PRRT4: variants seen among roughly 807,000 people sequenced by gnomAD.
PRRT4 encodes the protein proline-rich transmembrane protein 4.
Under a neutral mutation model 55.6 loss-of-function variants are expected in PRRT4, and 59 were observed. The observed-to-expected ratio is 1.06, with a 90% CI of 0.86 to 1.32. The LOEUF is 1.32. Ranked by LOEUF, PRRT4 falls within the 40% of genes most tolerant of loss-of-function variation. PRRT4 has a pLI of 0.00. For missense variants in PRRT4, 1,217 were observed against 1,222.0 expected (o/e 1.00, Z 0.06); for synonymous variants, 606 against 601.8 (o/e 1.01, Z -0.10).
chr7:128,351,808 A>C (rs1796981294), exon 5 of PRRT4: 3 of 1,417,946 alleles, frequency 2.1e-6, no homozygotes, highest in Non-Finnish European at 2.7e-6. Flanking sequence ...GCCGTAGCCC[A>C]GGGCGTGCAG....
rs1728185809 is a variant in PRRT4, at chr7:128,358,787, G to A, written c.771C>T (p.Thr257=). ...GGGAGTATGGGGGCAGGGACAGAGT[G>A]GTACCAAGGAACCCTGCAAAGGGAG... Residue 257 remains threonine, a synonymous_variant, in exon 4 of 5, where the codon ACC becomes ACT. Coordinates refer to ENST00000535159, the Ensembl canonical transcript of PRRT4. The surrounding 1 kb of genome is among the most constrained non-coding windows in gnomAD (Gnocchi z 4.4). The A allele has an allele frequency of 6.5e-7, 1 of 1,545,368 alleles. No individual in the cohort carries two copies. Among genetic ancestry groups the A allele is most frequent in the African/African-American group, 1.4e-5 (1 of 72,688 alleles).
chr7:128,359,913 G>C (rs1245668348), exon 2 of PRRT4: 4 of 1,457,170 alleles, frequency 2.7e-6, no homozygotes, highest in Non-Finnish European at 3.6e-6. Flanking sequence ...GGGATGGAGG[G>C]GGTGGGCTGG....
exon 5 of PRRT4, chr7:128,351,273 G>A (rs577469431): frequency 6.5e-7 from 1 of 1,540,614 alleles, no homozygotes. Context: ...CGGTGCGGTA[G>A]AGTCCGAGCC....
At position 128,359,154 on chromosome 7, in the gene PRRT4, G is replaced by T. The variant is rs1004413771; in HGVS notation, c.752C>A (p.Ser251Tyr). ...TTGCAATGAAATAAACTCACCCAGA[G>T]AACCCGAAACTCCAGAGGCAGAGCT... Residue 251 changes from serine to tyrosine, a missense_variant, in exon 3 of 5, where the codon TCT becomes TAT. Physicochemically the swap from Ser to Tyr is moderately radical, Grantham distance 144. Coordinates refer to ENST00000535159, the Ensembl canonical transcript of PRRT4. 3.2e-6 allele frequency: 5 copies of T among 1,551,532 alleles called. No individual in the cohort carries two copies. In the African/African-American group the frequency reaches 6.8e-5, roughly 21 times the overall value.
intron 1 of PRRT4, among the ~76,000 whole-genome samples, 187 bp downstream of exon 2, chr7:128,361,103 TCACACACACACACACA>T (rs71160634): frequency 1.3e-5 from 1 of 77,510 alleles, no homozygotes; most frequent in Non-Finnish European, 2.5e-5. Flanking sequence ...TCTCTCTCTC[TCACACACACACACACA>T]CACACACACA....
intron 1 of PRRT4, among the ~76,000 whole-genome samples, chr7:128,360,317 G>A (rs956357376): frequency 3.4e-4 from 51 of 152,170 alleles, no homozygotes; most frequent in Non-Finnish European, 7.1e-4. Context: ...CTGCAACCAG[G>A]GGCCCTCATC....
chr7:128,361,103 TCACACACACACA>T (rs71160634), intron 1 of PRRT4, among the ~76,000 whole-genome samples, 191 bp downstream of exon 2: 17 of 77,570 alleles, frequency 2.2e-4, no homozygotes, highest in African/African-American at 9.1e-4. Flanking sequence ...TCTCTCTCTC[TCACACACACACA>T]CACACACACA....
At chr7:128,352,792 GTCTTACATATGAGAC>G in intron 4 of PRRT4, 114 bp from the exon 6 acceptor site, 1 of 1,094,172 alleles carries the variant, frequency 9.1e-7, no homozygotes, top group Non-Finnish European at 1.3e-6. Flanking sequence ...GGACACACTT[GTCTTACATATGAGAC>G]TCACCCCACC....
At chr7:128,359,976 A>G in exon 2 of PRRT4, 5 of 1,331,254 alleles carry the variant, frequency 3.8e-6, no homozygotes, top group Non-Finnish European at 4.8e-6. Context: ...AGCCCTAGAC[A>G]GCCATGCCTG....
chr7:128,351,786 G>A, exon 5 of PRRT4: 1 of 1,423,900 alleles, frequency 7.0e-7, no homozygotes, highest in Non-Finnish European at 9.1e-7. Context: ...GCCCTTCCAG[G>A]CCGGATTGGC....
At position 128,352,134 on chromosome 7, in the gene PRRT4, C is replaced by T. The variant is rs1796997651; in HGVS notation, c.1422G>A (p.Gly474=). 24 of 1,273,622 alleles carry T rather than the reference C, an allele frequency of 1.9e-5. No individual in the cohort carries two copies. In the South Asian group the frequency reaches 5.5e-4, roughly 29 times the overall value. 78.9% of individuals were successfully genotyped at this position (1,273,622 alleles called of 1,614,324 possible). The stretch of plus-strand genomic sequence containing the variant: ...GGGCGGCGGCGGCCGCCAGCCCCAG[C>T]CCCAGGAGCAGCAGCGCAGCCAGGC... The change falls in exon 5 of 5, where the codon GGG becomes GGA. Residue 474 remains glycine (G), a synonymous_variant. Coordinates refer to ENST00000535159, the Ensembl canonical transcript of PRRT4.
At chr7:128,352,081 C>G (rs928866621) in exon 5 of PRRT4, 5 of 1,176,254 alleles carry the variant, frequency 4.3e-6, no homozygotes, top group Non-Finnish European at 5.2e-6. Context: ...CCGCAGGGGC[C>G]GCAGCGGGCG....
chr7:128,353,037 C>A (rs1797035677), intron 4 of PRRT4, among the ~76,000 whole-genome samples: 1 of 151,968 alleles, frequency 6.6e-6, no homozygotes, highest in South Asian at 2.1e-4. Flanking sequence ...CAGTTCAATC[C>A]CCCCACCAGA....
chr7:128,353,040 C>G (rs1291842891), intron 4 of PRRT4, among the ~76,000 whole-genome samples: 1 of 152,070 alleles, frequency 6.6e-6, no homozygotes, highest in Non-Finnish European at 1.5e-5. Context: ...TTCAATCCCC[C>G]CACCAGAAAG....
chr7:128,356,394 C>A (rs879842024), intron 4 of PRRT4, among the ~76,000 whole-genome samples: 25 of 152,240 alleles, frequency 1.6e-4, no homozygotes, highest in Admixed American at 1.6e-3. Context: ...CTGCATGCCC[C>A]ACACTGGTCC....
At chr7:128,350,591 G>C, downstream of PRRT4, 1 of 534,328 alleles carries the variant, frequency 1.9e-6, no homozygotes, top group Non-Finnish European at 3.4e-6. Context: ...CTTTATTGCT[G>C]GTGAATGCCA....
At chr7:128,360,037 G>A (rs359642) in exon 2 of PRRT4, 1,030,944 of 1,284,094 alleles carry the variant, frequency 0.8, 416,816 homozygotes, top group Non-Finnish European at 0.83. Context: ...GGACTCAGTT[G>A]TTCAGCAGCT....
At chr7:128,351,191 G>A in exon 5 of PRRT4, 1 of 1,542,450 alleles carries the variant, frequency 6.5e-7, no homozygotes, top group Non-Finnish European at 8.7e-7. Context: ...GGGGAGGGGA[G>A]CTCCGGGGGC....
At chr7:128,351,954 G>T (rs894531332) in exon 5 of PRRT4, 1 of 1,297,064 alleles carries the variant, frequency 7.7e-7, no homozygotes, top group Non-Finnish European at 9.7e-7. Context: ...CGCCCTTGAA[G>T]CCCGACCCTC....
Sources: allele counts gnomAD v4.1 joint callset (sites outside exome capture counted in the v4.1 genomes callset), GRCh38; gene constraint gnomAD v4.1.1; non-coding constraint Gnocchi (gnomAD v3.1); transcripts MANE v1.5; gene names NCBI Gene and HGNC (gene_info 2026-07-23, HGNC 2026-07-21).